SWAP70: variants seen among roughly 807,000 people sequenced by gnomAD.
SWAP70 encodes switch-associated protein 70.
SWAP70 carries 34 observed loss-of-function variants against 80.2 expected under a neutral mutation model. The observed-to-expected ratio is 0.42, with a 90% CI of 0.32 to 0.56. The LOEUF is 0.56. Ranked by LOEUF, SWAP70 falls within the 20% of genes least tolerant of loss-of-function variation. The pLI is 0.09. For missense variants in SWAP70, 578 were observed against 690.7 expected, an observed-to-expected ratio of 0.84 and a Z score of 1.83; for synonymous variants, 239 against 238.5, an observed-to-expected ratio of 1.00 and a Z score of -0.02.
At chr11:9,735,168 C>A (rs1041284258) in intron 7 of SWAP70, among the ~76,000 whole-genome samples, 2 of 152,054 alleles carry the variant, frequency 1.3e-5, no homozygotes, top group African/African-American at 4.8e-5. Context: ...TCTCCCCCTC[C>A]CCCACTTATG....
At chr11:9,721,588 T>G (rs761203086) in intron 3 of SWAP70, among the ~76,000 whole-genome samples, 2 of 151,814 alleles carry the variant, frequency 1.3e-5, no homozygotes, top group East Asian at 3.9e-4. Flanking sequence ...CTTCCCTGTT[T>G]AGCCTCCTGA....
At chr11:9,727,922 C>A in intron 4 of SWAP70, 131 bp from the exon 5 acceptor site, 3 of 928,788 alleles carry the variant, frequency 3.2e-6, no homozygotes, top group Non-Finnish European at 4.6e-6. Flanking sequence ...CTCAGAGGAT[C>A]CAAGAACAAT....
intron 1 of SWAP70, among the ~76,000 whole-genome samples, chr11:9,667,230 T>TTG (rs1237066861): frequency 4.0e-5 from 3 of 74,586 alleles, no homozygotes; most frequent in Non-Finnish European, 9.3e-5. Flanking sequence ...ATTTTCACAC[T>TTG]TCTGTGTGTG....
At chr11:9,721,289 G>C (rs1016374450) in intron 3 of SWAP70, among the ~76,000 whole-genome samples, 12 of 152,102 alleles carry the variant, frequency 7.9e-5, no homozygotes, top group Middle Eastern at 3.4e-3. Context: ...TTTAACAGTA[G>C]ATGACATATC....
At chr11:9,732,843 T>A in intron 7 of SWAP70, 133 bp downstream of exon 7, 1 of 843,982 alleles carries the variant, frequency 1.2e-6, no homozygotes, top group Non-Finnish European at 1.8e-6. Context: ...TGAACTGTTC[T>A]CAGAAGTGTT....
intron 9 of SWAP70, among the ~76,000 whole-genome samples, chr11:9,746,072 A>G (rs61469272): frequency 0.099 from 15,115 of 152,166 alleles, 1,915 homozygotes; most frequent in East Asian, 0.28. Context: ...AACACTGCAT[A>G]TTACTGCCAC....
chr11:9,714,643 C>A (rs1851041346), intron 3 of SWAP70, among the ~76,000 whole-genome samples: 1 of 152,004 alleles, frequency 6.6e-6, no homozygotes, highest in African/African-American at 2.4e-5. Flanking sequence ...ATAGTGAAGG[C>A]AGAGGAGAAT....
intron 8 of SWAP70, among the ~76,000 whole-genome samples, chr11:9,739,124 T>A (rs543207089): frequency 5.3e-4 from 81 of 152,250 alleles, no homozygotes; most frequent in Non-Finnish European, 8.7e-4. Context: ...AGAGTCTGAT[T>A]TGTTGCTCTT....
chr11:9,718,971 A>G (rs1321528507), intron 3 of SWAP70, among the ~76,000 whole-genome samples: 1 of 150,576 alleles, frequency 6.6e-6, no homozygotes, highest in African/African-American at 2.5e-5. Flanking sequence ...ACAGTGGCAC[A>G]TGCCTGAAGT....
At chr11:9,670,113 A>ATCT (rs1409490074) in intron 1 of SWAP70, among the ~76,000 whole-genome samples, 1 of 152,168 alleles carries the variant, frequency 6.6e-6, no homozygotes, top group Non-Finnish European at 1.5e-5. Flanking sequence ...GCGACATAGC[A>ATCT]GATGTGCTGG....
chr11:9,696,024 TAA>T (rs1362376431), intron 2 of SWAP70, among the ~76,000 whole-genome samples: 6 of 152,254 alleles, frequency 3.9e-5, no homozygotes, highest in Admixed American at 1.3e-4. Flanking sequence ...CAATGGTTGT[TAA>T]AGTGTGGAAG....
chr11:9,726,933 A>G, intron 4 of SWAP70: 1 of 456,278 alleles, frequency 2.2e-6, no homozygotes, highest in South Asian at 1.5e-5. Flanking sequence ...CTCCTTCAGA[A>G]TATTGAGAGG....
intron 4 of SWAP70, chr11:9,726,968 C>A: frequency 2.2e-6 from 1 of 456,210 alleles, no homozygotes; most frequent in Non-Finnish European, 4.4e-6. Context: ...AGGTTGGTAC[C>A]AGAGGTGGAA....
intron 2 of SWAP70, among the ~76,000 whole-genome samples, chr11:9,700,239 T>G (rs1387537175): frequency 6.6e-6 from 1 of 152,178 alleles, no homozygotes; most frequent in Admixed American, 6.5e-5. Context: ...AGAAACTTAT[T>G]CACGGAGGGA....
intron 2 of SWAP70, among the ~76,000 whole-genome samples, chr11:9,694,753 A>G (rs983398341): frequency 3.3e-5 from 5 of 152,188 alleles, no homozygotes; most frequent in African/African-American, 9.6e-5. Context: ...CAAAACCACA[A>G]TGAGATACCA....
At chr11:9,748,112 C>T in intron 10 of SWAP70, 56 bp downstream of exon 10, 1 of 1,526,894 alleles carries the variant, frequency 6.5e-7, no homozygotes, top group Non-Finnish European at 9.0e-7. Flanking sequence ...AAACATTTCT[C>T]AATAATAGAA....
At chr11:9,680,145 A>C (rs1850549167) in intron 1 of SWAP70, among the ~76,000 whole-genome samples, 1 of 152,210 alleles carries the variant, frequency 6.6e-6, no homozygotes, top group South Asian at 2.1e-4. Flanking sequence ...GGGAAGAAAA[A>C]AACATGCAGC....
chr11:9,682,316 A>G (rs1327424028), intron 1 of SWAP70, among the ~76,000 whole-genome samples: 2 of 152,324 alleles, frequency 1.3e-5, no homozygotes, highest in East Asian at 3.9e-4. Flanking sequence ...GACAAACTGT[A>G]TGAAAAAGAG....
At chr11:9,668,462 C>T (rs750096436) in intron 1 of SWAP70, among the ~76,000 whole-genome samples, 13 of 152,076 alleles carry the variant, frequency 8.5e-5, no homozygotes, top group Non-Finnish European at 1.9e-4. Flanking sequence ...TGCCAGTGTT[C>T]GTAGAATTGA....
Sources: gnomAD v4.1 joint callset for allele counts (sites outside exome capture counted in the v4.1 genomes callset) on GRCh38, gnomAD v4.1.1 for gene constraint, MANE v1.5 for transcripts, NCBI Gene and HGNC (gene_info 2026-07-23, HGNC 2026-07-21) for gene names.